The following ADGRG4 variants were observed in gnomAD, a reference collection of about 807,000 sequenced individuals.
The protein encoded by ADGRG4 is G protein-coupled receptor 112.
In ADGRG4, 122 loss-of-function variants were observed where a neutral mutation model predicts 126.2. The observed-to-expected ratio is 0.97, with a 90% CI of 0.83 to 1.12. The LOEUF is 1.12. ADGRG4 is among the 50% of genes most tolerant of loss of function. The pLI, the probability that ADGRG4 is intolerant of heterozygous loss-of-function variation, is 0.00. For synonymous variants in ADGRG4, 943 were observed against 838.7 expected (o/e 1.12, Z -2.15); for missense variants, 2,481 against 2,251.8 (o/e 1.10, Z -2.06).
intron 8 of ADGRG4, among the ~76,000 whole-genome samples, chrX:136,354,369 G>C (rs2075080967): frequency 8.9e-6 from 1 of 111,732 alleles, no homozygotes; most frequent in South Asian, 3.8e-4. Flanking sequence ...TCTTCTTGCT[G>C]TGCCCTCAAG....
intron 21 of ADGRG4, among the ~76,000 whole-genome samples, chrX:136,402,611 A>AT (rs112434298): frequency 0.037 from 3,856 of 105,292 alleles, 185 homozygotes; most frequent in African/African-American, 0.12. Flanking sequence ...TAAAGAAATC[A>AT]TTTTTTTTTT....
intron 15 of ADGRG4, among the ~76,000 whole-genome samples, chrX:136,378,437 G>A (rs1402943945): frequency 9.0e-6 from 1 of 111,281 alleles, no homozygotes; most frequent in African/African-American, 3.3e-5. Context: ...TGTGACAATA[G>A]AGAGTTTTAT....
intron 5 of ADGRG4, among the ~76,000 whole-genome samples, chrX:136,333,411 C>T (rs142386247): frequency 0.01 from 1,062 of 101,674 alleles, 11 homozygotes; most frequent in African/African-American, 0.036. Context: ...CATGAGCCAC[C>T]GCACCCAGCC....
intron 15 of ADGRG4, among the ~76,000 whole-genome samples, chrX:136,385,409 A>G (rs2075287846): frequency 8.9e-6 from 1 of 112,000 alleles, no homozygotes; most frequent in Non-Finnish European, 1.9e-5. Context: ...ACACAATAAA[A>G]TTTACTTTTT....
At position 136,344,216 on chromosome X, in the gene ADGRG4, C is replaced by G. The variant is rs759266301; in HGVS notation, c.686-176C>G. On this transcript the variant is annotated intron_variant, in intron 5 of 25. Transcript: ENST00000394143. ...TTACTTAACCAGAGTGTTATGAGTA[C>G]CATATAGAGGTCTTAGAGAGTAGAA... Among the ~76,000 whole-genome samples, 4 of 111,082 alleles carry G rather than the reference C, an allele frequency of 3.6e-5. No homozygotes were observed. In the South Asian group the frequency reaches 1.5e-3, roughly 42 times the overall value.
chrX:136,347,241 G>A lies in ADGRG4; in HGVS notation c.3535G>A (p.Glu1179Lys), dbSNP rs201065903. 3.7e-5 allele frequency: 45 copies of A among 1,209,192 alleles called. No homozygotes were observed. The highest frequency in any genetic ancestry group is 2.3e-4 in the Middle Eastern group (1 of 4,348). Residue 1179 changes from glutamate to lysine, a missense_variant, in exon 6 of 26, where the codon GAG (glutamate) becomes AAG (lysine). Transcript: ENST00000394143. ...AACTCAACCAATATCTCAAGTAGAGGAGACTTCTACCTATGCTCTCAGCTT... is the reference window on the plus strand; with the variant it reads ...AACTCAACCAATATCTCAAGTAGAGAAGACTTCTACCTATGCTCTCAGCTT... ...EATQPISQVEETSTYALSFPY... is the reference protein window; with the variant it reads ...EATQPISQVEKTSTYALSFPY...
chrX:136,412,355 A>G lies in ADGRG4; in HGVS notation c.9026A>G (p.Asp3009Gly). 2 of 1,150,174 alleles carry G rather than the reference A, an allele frequency of 1.7e-6. No homozygotes were observed. Among genetic ancestry groups the G allele is most frequent in the Non-Finnish European group, 2.4e-6 (2 of 839,121 alleles). 94.8% of individuals were successfully genotyped at this position (1,150,174 alleles called of 1,213,427 possible). Residue 3009 changes from aspartate to glycine, a missense_variant, in exon 24 of 26, where the codon GAT becomes GGT. Physicochemically the swap from Asp to Gly is moderately conservative, Grantham distance 94. Coordinates refer to ENST00000394143, the MANE Select transcript of ADGRG4 (RefSeq NM_153834.4). ...CTCTGCTGTGGGTGGTTGCGATTGG[A>G]TAACTCTTCTGGTAAGATGTCAGTT... is the stretch of plus-strand genomic sequence containing the variant. Reference protein sequence around the residue: ...IHLCCGWLRLDNSSDGSSRCQ... With the variant: ...IHLCCGWLRLGNSSDGSSRCQ...
chrX:136,327,422 A>C (rs2074880177), intron 5 of ADGRG4, among the ~76,000 whole-genome samples: 1 of 106,540 alleles, frequency 9.4e-6, no homozygotes, highest in African/African-American at 3.4e-5. Context: ...ATAATAAAAT[A>C]ACATAAAATA....
At chrX:136,376,273 C>T (rs753451048) in intron 15 of ADGRG4, among the ~76,000 whole-genome samples, 7 of 112,097 alleles carry the variant, frequency 6.2e-5, no homozygotes, top group Non-Finnish European at 1.3e-4. Context: ...TATTTTTATA[C>T]CAATACCATG....
rs12841028 is a variant in ADGRG4 at position 136,343,757 on chromosome X, A to G, written c.686-635A>G. 5.4e-5 allele frequency among the ~76,000 whole-genome samples: 6 copies of G among 112,046 alleles called. 1 individual carries two copies. The highest frequency in any genetic ancestry group is 1.9e-4 in the African/African-American group (6 of 30,885). On this transcript the variant is annotated intron_variant, in intron 5 of 25. Transcript: ENST00000394143. ...ACTGTTTTTTGAGCACTTACTCTGT[A>G]TAAGAAGCTATGCTAAGTGTTTTAT...
At chrX:136,305,426 C>T (rs2148441764) in intron 3 of ADGRG4, among the ~76,000 whole-genome samples, 1 of 111,827 alleles carries the variant, frequency 8.9e-6, no homozygotes, top group East Asian at 2.8e-4. Flanking sequence ...AGGGGCCTCA[C>T]CTGTAAAGTT....
In ADGRG4 at chrX:136,350,368, T is replaced by C; in HGVS notation, c.6662T>C (p.Leu2221Pro). The change falls in exon 6 of 26, where the codon CTG becomes CCG. Residue 2221 changes from leucine to proline, a missense_variant. Coordinates refer to ENST00000394143, the MANE Select transcript of ADGRG4 (RefSeq NM_153834.4). ...TCGTCCTTTTTTGAAACAACTTGGCTGGACTCCACACCTTCCTTTCTATCT... is the reference window on the plus strand; with the variant it reads ...TCGTCCTTTTTTGAAACAACTTGGCCGGACTCCACACCTTCCTTTCTATCT... ...PISSFFETTWLDSTPSFLSTE... is the reference protein window; with the variant it reads ...PISSFFETTWPDSTPSFLSTE... 1.7e-6 allele frequency: 2 copies of C among 1,210,977 alleles called. No homozygotes were observed. The highest frequency in any genetic ancestry group is 2.2e-6 in the Non-Finnish European group (2 of 894,930).
chrX:136,301,359 G>A (rs1438276736), intron 1 of ADGRG4, among the ~76,000 whole-genome samples: 2 of 112,401 alleles, frequency 1.8e-5, no homozygotes, highest in African/African-American at 6.5e-5. Context: ...ATTTTTTCAT[G>A]TGTCTTTTGG....
chrX:136,373,608 C>A (rs968666953), intron 15 of ADGRG4, among the ~76,000 whole-genome samples: 5 of 111,279 alleles, frequency 4.5e-5, no homozygotes, highest in Non-Finnish European at 9.4e-5. Context: ...ATGCACAAAT[C>A]CTAAGTATAC....
intron 5 of ADGRG4, among the ~76,000 whole-genome samples, chrX:136,331,618 A>G (rs1460653776): frequency 1.8e-5 from 2 of 111,265 alleles, no homozygotes; most frequent in African/African-American, 6.5e-5. Flanking sequence ...TCATTCTTGT[A>G]AATTTGTAGT....
At chrX:136,341,861 G>A (rs1380473546) in intron 5 of ADGRG4, among the ~76,000 whole-genome samples, 1 of 111,618 alleles carries the variant, frequency 9.0e-6, no homozygotes, top group African/African-American at 3.3e-5. Context: ...TAATGCTCAA[G>A]ACAGTGAAAC....
At chrX:136,377,841 TG>T (rs935316219) in intron 15 of ADGRG4, among the ~76,000 whole-genome samples, 2 of 85,916 alleles carry the variant, frequency 2.3e-5, no homozygotes, top group Non-Finnish European at 4.8e-5. Flanking sequence ...TTTCCTATAC[TG>T]TTTTTTTTTT....
At chrX:136,311,690 G>A (rs2074772345) in intron 4 of ADGRG4, among the ~76,000 whole-genome samples, 1 of 110,565 alleles carries the variant, frequency 9.0e-6, no homozygotes, top group Non-Finnish European at 1.9e-5. Context: ...TTTTGACACA[G>A]GAAAGCCCCA....
chrX:136,335,331 T>C (rs1215510152), intron 5 of ADGRG4, among the ~76,000 whole-genome samples: 2 of 110,097 alleles, frequency 1.8e-5, no homozygotes, highest in African/African-American at 6.6e-5. Context: ...GATATTGGTC[T>C]GTAATTTCTT....
Sources: allele counts gnomAD v4.1 joint callset (sites outside exome capture counted in the v4.1 genomes callset), GRCh38; gene constraint gnomAD v4.1.1; transcripts MANE v1.5; gene names NCBI Gene and HGNC (gene_info 2026-07-23, HGNC 2026-07-21).